The following MACROD2 variants were observed in gnomAD, a reference collection of about 807,000 sequenced individuals.
MACROD2 encodes mono-ADP ribosylhydrolase 2.
In MACROD2, 36 loss-of-function variants were observed where a neutral mutation model predicts 70.4. The ratio of observed to expected loss-of-function variants is 0.51; its 90% CI spans 0.39 to 0.68. The LOEUF (loss-of-function observed/expected upper bound fraction) is 0.68, where lower values mean the gene tolerates loss of function less well. Among genes scored for constraint, MACROD2 ranks in the 30% least tolerant of loss-of-function variants. The pLI, the probability that MACROD2 is intolerant of heterozygous loss-of-function variation, is 0.00. For synonymous variants in MACROD2, 172 were observed against 178.8 expected (o/e 0.96, Z 0.30); for missense variants, 496 against 538.4 (o/e 0.92, Z 0.78).
At chr20:14,594,409 C>T (rs767137602) in intron 4 of MACROD2, among the ~76,000 whole-genome samples, 2 of 152,172 alleles carry the variant, frequency 1.3e-5, no homozygotes, top group Non-Finnish European at 2.9e-5. Context: ...ACTTCCTACT[C>T]CTTTGTCATA....
intron 5 of MACROD2, among the ~76,000 whole-genome samples, chr20:15,221,879 T>A (rs543231130): frequency 6.6e-6 from 1 of 152,232 alleles, no homozygotes; most frequent in African/African-American, 2.4e-5. Context: ...GCTGAAAGTA[T>A]GCATTTGAGC....
chr20:15,071,017 A>C (rs73897247), intron 5 of MACROD2, among the ~76,000 whole-genome samples: 10,650 of 152,170 alleles, frequency 0.07, 409 homozygotes, highest in Middle Eastern at 0.18. Context: ...TAAGACTATT[A>C]TAGCCAGGAA....
intron 9 of MACROD2, among the ~76,000 whole-genome samples, chr20:15,884,645 A>G (rs2064799547): frequency 1.3e-5 from 2 of 152,100 alleles, no homozygotes; most frequent in African/African-American, 4.8e-5. Flanking sequence ...GCTAAGGCAA[A>G]TGGCACTGGG....
chr20:15,032,456 C>A (rs6043065), intron 5 of MACROD2, among the ~76,000 whole-genome samples: 18,026 of 152,134 alleles, frequency 0.12, 2,850 homozygotes, highest in African/African-American at 0.36. Context: ...TTCTGCAGGC[C>A]GATTGCCCAA....
chr20:15,457,240 G>A (rs1280786806), intron 7 of MACROD2, among the ~76,000 whole-genome samples: 1 of 151,836 alleles, frequency 6.6e-6, no homozygotes. Context: ...AATTTGATAA[G>A]GATTTCCTGC....
At chr20:15,372,876 A>T (rs1463643007) in intron 6 of MACROD2, among the ~76,000 whole-genome samples, 1 of 151,946 alleles carries the variant, frequency 6.6e-6, no homozygotes, top group African/African-American at 2.4e-5. Flanking sequence ...ACAAAGCATG[A>T]CCCCATCTCT....
intron 8 of MACROD2, among the ~76,000 whole-genome samples, chr20:15,842,259 T>G (rs2064179545): frequency 1.3e-5 from 2 of 152,188 alleles, no homozygotes; most frequent in Middle Eastern, 3.4e-3. Flanking sequence ...TGCCACGTCT[T>G]TGGGGTCCCT....
intron 8 of MACROD2, among the ~76,000 whole-genome samples, chr20:15,512,874 A>G (rs2047518112): frequency 6.6e-6 from 1 of 152,192 alleles, no homozygotes; most frequent in South Asian, 2.1e-4. Flanking sequence ...TTCCTCTGAA[A>G]ACAATTAGAG....
In MACROD2 at chr20:15,538,186, A is replaced by G. The variant is rs148862301; in HGVS notation, c.645+38339A>G. On this transcript the variant is annotated intron_variant, in intron 8 of 17. Coordinates refer to ENST00000684519, the MANE Select transcript of MACROD2 (RefSeq NM_001351661.2). ...ACTTAAAAAAACTACCTAAACTATC[A>G]ATTTTATCATCCATTCACCCATTTG... Among the ~76,000 whole-genome samples, 175 of 152,288 alleles carry G rather than the reference A, an allele frequency of 1.1e-3. 2 individuals are homozygous for G. The highest frequency in any genetic ancestry group is 8.9e-3 in the Admixed American group (136 of 15,302).
chr20:15,243,759 C>T (rs1245643989), intron 6 of MACROD2, among the ~76,000 whole-genome samples: 1 of 142,282 alleles, frequency 7.0e-6, no homozygotes, highest in Admixed American at 7.0e-5. Flanking sequence ...ACTAAAAATA[C>T]AAAAAAAAAA....
intron 3 of MACROD2, among the ~76,000 whole-genome samples, chr20:14,457,771 G>A (rs62204404): frequency 0.15 from 22,725 of 152,060 alleles, 2,411 homozygotes; most frequent in Non-Finnish European, 0.21. Context: ...TGACAAGAGA[G>A]GAAGAAAATA....
intron 2 of MACROD2, among the ~76,000 whole-genome samples, chr20:14,050,493 C>T (rs1013810043): frequency 6.6e-6 from 1 of 152,122 alleles, no homozygotes; most frequent in African/African-American, 2.4e-5. Flanking sequence ...AAGATGGCTT[C>T]AGAGACGGAC....
chr20:14,983,901 G>C (rs2074825044), intron 5 of MACROD2, among the ~76,000 whole-genome samples: 1 of 152,140 alleles, frequency 6.6e-6, no homozygotes, highest in South Asian at 2.1e-4. Flanking sequence ...CGGGAAATAT[G>C]ACTTTTGAAA....
At position 15,977,184 on chromosome 20, in the gene MACROD2, C is replaced by G. The variant is rs547658420; in HGVS notation, c.986-9543C>G. On this transcript the variant is annotated intron_variant, in intron 13 of 17. Coordinates refer to ENST00000684519, the MANE Select transcript of MACROD2 (RefSeq NM_001351661.2). ...TAAAGGTCCTTGCAATGACCTGGTG[C>G]GATGATTAGGTTCAATGGCCAGTTC... Among the ~76,000 whole-genome samples, 7 of 152,238 alleles carry G rather than the reference C, an allele frequency of 4.6e-5. No homozygotes were observed. In the South Asian group the frequency reaches 1.5e-3, roughly 32 times the overall value.
chr20:14,416,448 A>G (rs1443755170), intron 3 of MACROD2, among the ~76,000 whole-genome samples: 1 of 152,216 alleles, frequency 6.6e-6, no homozygotes, highest in East Asian at 1.9e-4. Flanking sequence ...GTTCATGAAT[A>G]CACAGTGTCT....
chr20:15,195,244 T>C (rs1396473869), intron 5 of MACROD2, among the ~76,000 whole-genome samples: 1 of 152,058 alleles, frequency 6.6e-6, no homozygotes, highest in Admixed American at 6.5e-5. Flanking sequence ...GGGGTCTAAG[T>C]AAACTAAAGA....
At chr20:15,171,286 G>T (rs1490853441) in intron 5 of MACROD2, among the ~76,000 whole-genome samples, 2 of 147,556 alleles carry the variant, frequency 1.4e-5, no homozygotes, top group African/African-American at 5.0e-5. Flanking sequence ...CTCTCCCTTT[G>T]TCTTTCCCTC....
intron 2 of MACROD2, chr20:14,003,771 T>C: frequency 2.6e-6 from 1 of 382,918 alleles, no homozygotes; most frequent in South Asian, 1.9e-5. Flanking sequence ...TAAAATCTTG[T>C]ACAAAGGTTA....
intron 10 of MACROD2, among the ~76,000 whole-genome samples, chr20:15,913,911 G>A (rs1038277588): frequency 6.6e-6 from 1 of 152,152 alleles, no homozygotes; most frequent in Non-Finnish European, 1.5e-5. Context: ...ATGAATAAAC[G>A]AATAAGCAAA....
Sources: allele counts gnomAD v4.1 joint callset (sites outside exome capture counted in the v4.1 genomes callset), GRCh38; gene constraint gnomAD v4.1.1; transcripts MANE v1.5; gene names NCBI Gene and HGNC (gene_info 2026-07-23, HGNC 2026-07-21).